Variants in PTPRD observed in about 807,000 individuals in gnomAD.
PTPRD encodes receptor-type tyrosine-protein phosphatase delta.
Under a neutral mutation model 214.5 loss-of-function variants are expected in PTPRD, and 34 were observed. That is an observed-to-expected ratio of 0.16 (90% CI 0.12 to 0.21). PTPRD has a LOEUF of 0.21. Ranked by LOEUF, PTPRD falls within the 10% of genes least tolerant of loss-of-function variation. The pLI, the probability that PTPRD is intolerant of heterozygous loss-of-function variation, is 1.00. For missense variants in PTPRD, 2,545 were observed against 2,398.7 expected, an observed-to-expected ratio of 1.06 and a Z score of -1.27; for synonymous variants, 1,128 against 845.7, an observed-to-expected ratio of 1.33 and a Z score of -5.79.
At chr9:9,314,942 T>C (rs1961752867) in intron 9 of PTPRD, among the ~76,000 whole-genome samples, 1 of 152,062 alleles carries the variant, frequency 6.6e-6, no homozygotes, top group Non-Finnish European at 1.5e-5. Context: ...ATTTACTTTG[T>C]CAATCTCAGC....
rs1490707422 is a variant in PTPRD, at chr9:10,060,845, T to TTCC, written c.-544-27056_-544-27055insGGA. Among the ~76,000 whole-genome samples the TTCC allele has an allele frequency of 1.6e-3, 178 of 108,796 alleles. 19 individuals are homozygous for TTCC. The highest frequency in any genetic ancestry group is 0.014 in the African/African-American group (160 of 11,302). The allele number at this position is 108,796 out of a possible 152,430, so 71.4% of individuals were successfully genotyped here. A position where few individuals can be genotyped will look rare whatever the true frequency, so the allele number is the denominator to read the frequency against. ...CTTTCTTTCTTCCTTCCTTCCTTCC[T>TTCC]TTCCTTTCTTTCTTCCTTCCTTCTT... On this transcript the variant is annotated intron_variant, in intron 3 of 45. Transcript: ENST00000381196.
intron 7 of PTPRD, among the ~76,000 whole-genome samples, chr9:9,643,999 A>G (rs370761995): frequency 3.3e-5 from 5 of 152,318 alleles, no homozygotes; most frequent in African/African-American, 1.2e-4. Flanking sequence ...TGCCAACATC[A>G]TTAATTTTAA....
chr9:10,295,711 T>C (rs2095654351), intron 3 of PTPRD, among the ~76,000 whole-genome samples: 1 of 152,110 alleles, frequency 6.6e-6, no homozygotes. Flanking sequence ...TCAGATGTAA[T>C]TAAAGTATGA....
chr9:9,278,087 T>C (rs549600458), intron 9 of PTPRD, among the ~76,000 whole-genome samples: 5 of 151,384 alleles, frequency 3.3e-5, no homozygotes, highest in Non-Finnish European at 7.4e-5. Flanking sequence ...GGTGGTTGTA[T>C]GCTTTCCACG....
intron 3 of PTPRD, among the ~76,000 whole-genome samples, chr9:10,173,590 A>G (rs570014513): frequency 3.3e-5 from 5 of 152,254 alleles, no homozygotes; most frequent in Non-Finnish European, 5.9e-5. Context: ...TACCATTTCC[A>G]AATAACAATT....
chr9:9,237,126 T>G (rs1424564669), intron 9 of PTPRD, among the ~76,000 whole-genome samples: 1 of 152,152 alleles, frequency 6.6e-6, no homozygotes. Flanking sequence ...ATTCTAAATA[T>G]AGAGCACAGA....
In PTPRD at chr9:8,471,003, A is replaced by T. The variant is rs1488587783; in HGVS notation, c.3496T>A (p.Leu1166Ile). Residue 1166 changes from leucine (L) to isoleucine (I), a missense_variant, in exon 31 of 46, where the codon TTA becomes ATA. Physicochemically the swap from Leu to Ile is conservative, Grantham distance 5. Transcript: ENST00000381196. The part of the protein sequence containing the change: ...KPWESPDEME[L>I]DELLKEISRK... ...AACAATGACACAGTTACCTCATCTA[A>T]TTCCATTTCATCTGGACTCTCCCAT... The T allele has an allele frequency of 6.2e-7, 1 of 1,612,472 alleles. No homozygotes were observed. The highest frequency in any genetic ancestry group is 8.5e-7 in the Non-Finnish European group (1 of 1,178,688).
chr9:8,537,005 T>G (rs998544944), intron 14 of PTPRD, among the ~76,000 whole-genome samples: 1 of 152,020 alleles, frequency 6.6e-6, no homozygotes. Flanking sequence ...AATACAGTCC[T>G]TGAAGAAGAG....
intron 2 of PTPRD, among the ~76,000 whole-genome samples, chr9:10,461,900 G>C (rs1311637811): frequency 6.6e-6 from 1 of 152,064 alleles, no homozygotes; most frequent in Admixed American, 6.6e-5. Context: ...CGGATTACAG[G>C]CGTGAATCAC....
chr9:8,518,085 C>A lies in PTPRD; in HGVS notation c.1306G>T (p.Val436Leu), dbSNP rs202222673. The change falls in exon 21 of 46, where the codon GTA (valine) becomes TTA (leucine). Residue 436 changes from valine (V) to leucine (L), a missense_variant. By Grantham distance (32) the Val-to-Leu change is conservative (BLOSUM62 1). Transcript: ENST00000381196. ...ARMLSSTTILVQWKEPEEPNG... is the reference protein window; with the variant it reads ...ARMLSSTTILLQWKEPEEPNG... ...GGCTCTTCAGGTTCCTTCCACTGTACCAAAATGGTGGTCGAACTCAACATT... is the reference window on the plus strand; with the variant it reads ...GGCTCTTCAGGTTCCTTCCACTGTAACAAAATGGTGGTCGAACTCAACATT... 9.4e-5 allele frequency: 151 copies of A among 1,614,048 alleles called. No individual in the cohort carries two copies. The highest frequency in any genetic ancestry group is 1.2e-4 in the Non-Finnish European group (144 of 1,180,038).
intron 8 of PTPRD, among the ~76,000 whole-genome samples, chr9:9,419,146 C>CACAT (rs1569568150): frequency 6.6e-6 from 1 of 150,810 alleles, no homozygotes; most frequent in Non-Finnish European, 1.5e-5. Flanking sequence ...CACACACACA[C>CACAT]ACACACACAC....
At chr9:8,873,989 T>TG (rs1349427626) in intron 11 of PTPRD, among the ~76,000 whole-genome samples, 1 of 152,212 alleles carries the variant, frequency 6.6e-6, no homozygotes, top group African/African-American at 2.4e-5. Flanking sequence ...ACAGAACACT[T>TG]GTGTCCTTCC....
chr9:8,346,450 C>A (rs376300012), intron 39 of PTPRD, among the ~76,000 whole-genome samples: 12 of 152,112 alleles, frequency 7.9e-5, no homozygotes, highest in Admixed American at 2.6e-4. Flanking sequence ...CGGTTAACCA[C>A]GGTCTGAAAA....
At chr9:9,173,131 T>G (rs913528188) in intron 10 of PTPRD, among the ~76,000 whole-genome samples, 5 of 152,122 alleles carry the variant, frequency 3.3e-5, no homozygotes. Flanking sequence ...CTTAGGGTCT[T>G]TGCACCTGCT....
intron 9 of PTPRD, among the ~76,000 whole-genome samples, chr9:9,212,121 C>A (rs1374510000): frequency 6.6e-6 from 1 of 152,078 alleles, no homozygotes; most frequent in African/African-American, 2.4e-5. Flanking sequence ...GCAATACCCA[C>A]CACTGAGAGG....
intron 33 of PTPRD, chr9:8,451,835 G>A (rs904066410): frequency 2.1e-6 from 1 of 475,288 alleles, no homozygotes; most frequent in Admixed American, 2.2e-5. Flanking sequence ...TGCCATTCTT[G>A]CAAGATTATG....
intron 8 of PTPRD, among the ~76,000 whole-genome samples, chr9:9,545,055 G>C (rs1240068650): frequency 6.6e-6 from 1 of 151,602 alleles, no homozygotes; most frequent in East Asian, 1.9e-4. Flanking sequence ...TATACTTCTT[G>C]TCCCACATAT....
At chr9:8,692,101 A>G (rs568881612) in intron 12 of PTPRD, among the ~76,000 whole-genome samples, 6 of 152,260 alleles carry the variant, frequency 3.9e-5, no homozygotes, top group Admixed American at 2.0e-4. Flanking sequence ...TCAGACTCTC[A>G]AACAGCTTTG....
intron 36 of PTPRD, among the ~76,000 whole-genome samples, chr9:8,391,409 A>G (rs2089506091): frequency 6.6e-6 from 1 of 152,180 alleles, no homozygotes; most frequent in Admixed American, 6.5e-5. Flanking sequence ...CAGCTACTCA[A>G]GAAGCAGTTG....
Sources: allele counts gnomAD v4.1 joint callset (sites outside exome capture counted in the v4.1 genomes callset), GRCh38; gene constraint gnomAD v4.1.1; transcripts MANE v1.5; gene names NCBI Gene and HGNC (gene_info 2026-07-23, HGNC 2026-07-21).